The following ANK3 variants were observed in gnomAD, a reference collection of about 807,000 sequenced individuals.
ANK3 encodes the protein ankyrin 3.
Under a neutral mutation model 370.9 loss-of-function variants are expected in ANK3, and 57 were observed. The observed-to-expected ratio is 0.15, with a 90% CI of 0.12 to 0.19. The LOEUF (loss-of-function observed/expected upper bound fraction) is 0.19. Ranked by LOEUF, ANK3 falls within the 10% of genes least tolerant of loss-of-function variation. ANK3 has a pLI of 1.00. For synonymous variants in ANK3, 1,929 were observed against 1,946.3 expected, an observed-to-expected ratio of 0.99 and a Z score of 0.23; for missense variants, 4,439 against 5,302.1, an observed-to-expected ratio of 0.84 and a Z score of 5.06.
chr10:60,356,317 T>A (rs4948411), intron 1 of ANK3, among the ~76,000 whole-genome samples: 1 of 152,064 alleles, frequency 6.6e-6, no homozygotes, highest in Admixed American at 6.5e-5. Context: ...ACTGCCTCTG[T>A]GCATGTATCT....
intron 35 of ANK3, among the ~76,000 whole-genome samples, chr10:60,081,024 A>G (rs942574134): frequency 1.3e-5 from 2 of 152,196 alleles, no homozygotes; most frequent in African/African-American, 4.8e-5. Context: ...ACAGGCATAA[A>G]GTGTAGATGA....
intron 1 of ANK3, among the ~76,000 whole-genome samples, chr10:60,359,019 T>G (rs1270594378): frequency 6.6e-6 from 1 of 152,184 alleles, no homozygotes; most frequent in East Asian, 1.9e-4. Flanking sequence ...TGCAGTTATC[T>G]TATTGGCTTA....
intron 43 of ANK3, among the ~76,000 whole-genome samples, chr10:60,038,586 T>G (rs1158594727): frequency 1.3e-5 from 2 of 152,118 alleles, no homozygotes; most frequent in Admixed American, 6.5e-5. Context: ...TTGCAAACTA[T>G]GTATCTGACA....
At chr10:60,301,175 C>T (rs2043645096) in intron 1 of ANK3, among the ~76,000 whole-genome samples, 1 of 145,840 alleles carries the variant, frequency 6.9e-6, no homozygotes, top group African/African-American at 2.5e-5. Flanking sequence ...TATATACACA[C>T]TATATATAAT....
intron 17 of ANK3, among the ~76,000 whole-genome samples, 166 bp from the exon 18 acceptor site, chr10:60,181,593 T>C (rs2096189409): frequency 6.6e-6 from 1 of 152,110 alleles, no homozygotes; most frequent in Non-Finnish European, 1.5e-5. Context: ...GGCAGGTGGA[T>C]CACATGAGCC....
At chr10:60,133,721 G>A (rs1033749374) in intron 25 of ANK3, among the ~76,000 whole-genome samples, 4 of 152,172 alleles carry the variant, frequency 2.6e-5, no homozygotes, top group Non-Finnish European at 5.9e-5. Flanking sequence ...AGGAGTTCTA[G>A]ACCAGCCTGG....
intron 2 of ANK3, among the ~76,000 whole-genome samples, chr10:60,407,350 C>T (rs569259561): frequency 3.3e-5 from 5 of 152,220 alleles, no homozygotes; most frequent in South Asian, 2.1e-4. Flanking sequence ...AAAATGTTAG[C>T]GATAATTATA....
intron 1 of ANK3, among the ~76,000 whole-genome samples, chr10:60,624,520 C>T (rs1225639461): frequency 1.3e-5 from 2 of 152,080 alleles, no homozygotes; most frequent in African/African-American, 4.8e-5. Context: ...TATTCTTTTG[C>T]TCTTATAAAC....
At chr10:60,657,823 C>T (rs2078884791) in intron 1 of ANK3, among the ~76,000 whole-genome samples, 1 of 152,048 alleles carries the variant, frequency 6.6e-6, no homozygotes, top group Admixed American at 6.5e-5. Flanking sequence ...AGAGATGTGT[C>T]TGTAACTATT....
intron 43 of ANK3, among the ~76,000 whole-genome samples, chr10:60,034,910 G>A (rs1401967665): frequency 6.6e-6 from 1 of 152,102 alleles, no homozygotes; most frequent in Non-Finnish European, 1.5e-5. Flanking sequence ...CAGTTTTAAA[G>A]TAATTCCCAA....
At chr10:60,315,490 C>T (rs900995290) in intron 1 of ANK3, among the ~76,000 whole-genome samples, 2 of 152,014 alleles carry the variant, frequency 1.3e-5, no homozygotes, top group Admixed American at 6.6e-5. Context: ...GATTCAAGCA[C>T]TTATCAACTA....
chr10:60,223,912 C>T (rs928632954), intron 8 of ANK3, among the ~76,000 whole-genome samples: 2 of 150,376 alleles, frequency 1.3e-5, no homozygotes, highest in Non-Finnish European at 2.9e-5. Context: ...AGAGAACTGG[C>T]ATATTCATTT....
chr10:60,230,153 G>A (rs2097217954), intron 8 of ANK3, among the ~76,000 whole-genome samples: 1 of 152,170 alleles, frequency 6.6e-6, no homozygotes, highest in African/African-American at 2.4e-5. Context: ...TTCGGATTTA[G>A]GGTCTATATT....
At position 60,200,232 on chromosome 10, in the gene ANK3, G is replaced by A. The variant is rs778650843; in HGVS notation, c.1393-5C>T. 2 of 1,612,550 alleles carry A rather than the reference G, an allele frequency of 1.2e-6. No individual in the cohort carries two copies. The highest frequency in any genetic ancestry group is 1.1e-5 in the South Asian group (1 of 91,020). On this transcript the variant is annotated splice_region_variant and splice_polypyrimidine_tract_variant and intron_variant, in intron 12 of 43. Coordinates refer to ENST00000280772, the MANE Select transcript of ANK3 (RefSeq NM_020987.5). Reference sequence around the variant, plus strand: ...GTGCAGTGCTGTTTCTCCTCTCTGGGGAACATGAGCCAAAGTAAATTAGCT... The same window carrying A: ...GTGCAGTGCTGTTTCTCCTCTCTGGAGAACATGAGCCAAAGTAAATTAGCT...
chr10:60,549,459 G>A (rs368576374), intron 2 of ANK3, among the ~76,000 whole-genome samples: 1 of 152,022 alleles, frequency 6.6e-6, no homozygotes, highest in South Asian at 2.1e-4. Context: ...ACTAATGTGC[G>A]TGCTGTTTAG....
intron 2 of ANK3, among the ~76,000 whole-genome samples, chr10:60,576,441 T>A (rs2077683953): frequency 1.3e-5 from 2 of 152,358 alleles, no homozygotes; most frequent in Non-Finnish European, 2.9e-5. Context: ...CAAATTTTTT[T>A]AAGCTATCTT....
At chr10:60,471,837 G>A (rs1244692067) in intron 2 of ANK3, among the ~76,000 whole-genome samples, 4 of 151,950 alleles carry the variant, frequency 2.6e-5, no homozygotes, top group Non-Finnish European at 5.9e-5. Context: ...AACAAGCTGA[G>A]ATGAAAATGT....
In ANK3 at chr10:60,263,968, AC is replaced by A. The variant is rs770607700; in HGVS notation, c.565del (p.Val189PhefsTer5). 6.2e-7 allele frequency: 1 copy of A among 1,614,060 alleles called. No homozygotes were observed. The highest frequency in any genetic ancestry group is 8.5e-7 in the Non-Finnish European group (1 of 1,179,962). ...VALQQGHDQV[V>X]SLLLENDTKG... Reference sequence around the variant, plus strand: ...GGTGTCATTCTCTAGCAGGAGCGAAACGACTTGGTCGTGACCTTGTTGCAAA... The same window carrying A: ...GGTGTCATTCTCTAGCAGGAGCGAAAGACTTGGTCGTGACCTTGTTGCAAA... On this transcript the variant is annotated frameshift_variant, in exon 6 of 44. Transcript: ENST00000280772. LOFTEE classifies it high-confidence loss of function.
rs1223632522 is a variant in ANK3 at position 60,036,070 on chromosome 10, GCT to G, written c.*20-6246_*20-6245del. Among the ~76,000 whole-genome samples, 3 of 152,154 alleles carry G rather than the reference GCT, an allele frequency of 2.0e-5. No homozygotes were observed. The East Asian group carries it at 5.8e-4, about 30-fold the overall frequency. On this transcript the variant is annotated intron_variant, in intron 43 of 43. Transcript: ENST00000280772. The stretch of plus-strand genomic sequence containing the variant: ...AACTGCACTCAGCCTTAGAGATTTT[GCT>G]CTCTCTTTGTCACTGTTCATTGCTT...
Sources: allele counts gnomAD v4.1 joint callset (sites outside exome capture counted in the v4.1 genomes callset), GRCh38; gene constraint gnomAD v4.1.1; transcripts MANE v1.5; gene names NCBI Gene and HGNC (gene_info 2026-07-23, HGNC 2026-07-21).